The following RPSA2 variants were observed in gnomAD, a reference collection of about 807,000 sequenced individuals.
The protein encoded by RPSA2 is small ribosomal subunit protein uS2B.
At chr19:23,843,777 G>T in the RPSA2 span, among the ~76,000 whole-genome samples, 2 of 150,958 alleles carry the variant, frequency 1.3e-5, no homozygotes, top group Non-Finnish European at 3.0e-5. Context: ...TCTTTTTTTT[G>T]AGATGAAGTT....
At chr19:23,859,961 G>A in the RPSA2 span, among the ~76,000 whole-genome samples, 5 of 152,160 alleles carry the variant, frequency 3.3e-5, no homozygotes, top group Non-Finnish European at 7.3e-5. Flanking sequence ...CCATGTTTAC[G>A]AAGGCAGCCC....
At chr19:23,816,132 C>G in the RPSA2 span, among the ~76,000 whole-genome samples, 13 of 151,216 alleles carry the variant, frequency 8.6e-5, no homozygotes, top group Admixed American at 8.6e-4. Context: ...CATTTATTTA[C>G]TTGTTTATTC....
chr19:23,807,873 G>T, the RPSA2 span: 1 of 426,732 alleles, frequency 2.3e-6, no homozygotes. Flanking sequence ...CTCTGGAGGA[G>T]TAGCAGTGCC....
chr19:23,865,562 T>C, the RPSA2 span, among the ~76,000 whole-genome samples: 6 of 152,108 alleles, frequency 3.9e-5, no homozygotes, highest in Non-Finnish European at 8.8e-5. Context: ...ATTAAAAAAC[T>C]CATTTGTTCC....
At chr19:23,858,334 A>G in the RPSA2 span, among the ~76,000 whole-genome samples, 1 of 152,024 alleles carries the variant, frequency 6.6e-6, no homozygotes, top group African/African-American at 2.4e-5. Context: ...ATACCCTAAA[A>G]GCCCTGACTT....
chr19:23,838,761 A>ATTT, the RPSA2 span, among the ~76,000 whole-genome samples: 29 of 152,044 alleles, frequency 1.9e-4, no homozygotes, highest in South Asian at 4.1e-4. Flanking sequence ...GCCTTGAATG[A>ATTT]TTTTTTGTAT....
the RPSA2 span, among the ~76,000 whole-genome samples, chr19:23,826,116 G>A: frequency 0.98 from 147,918 of 151,234 alleles, 72,430 homozygotes; most frequent in Middle Eastern, 1. Context: ...CATATTGCTA[G>A]AATGTTTTTA....
the RPSA2 span, among the ~76,000 whole-genome samples, chr19:23,794,163 CT>C: frequency 5.3e-5 from 8 of 152,122 alleles, no homozygotes; most frequent in African/African-American, 1.9e-4. Context: ...AGTGAACACG[CT>C]TGTGCATGCA....
At chr19:23,831,283 G>A in the RPSA2 span, among the ~76,000 whole-genome samples, 1 of 152,130 alleles carries the variant, frequency 6.6e-6, no homozygotes, top group Admixed American at 6.5e-5. Context: ...CCAAGAGTTA[G>A]GAATTTACTT....
the RPSA2 span, among the ~76,000 whole-genome samples, chr19:23,780,221 A>C: frequency 6.6e-6 from 1 of 152,186 alleles, no homozygotes; most frequent in Non-Finnish European, 1.5e-5. Context: ...ATGTCATCAT[A>C]GGACCCAGCA....
At chr19:23,863,921 C>T in the RPSA2 span, among the ~76,000 whole-genome samples, 1 of 152,160 alleles carries the variant, frequency 6.6e-6, no homozygotes, top group Non-Finnish European at 1.5e-5. Context: ...AACAGAGGCA[C>T]AAAGCAAGCT....
chr19:23,835,081 TAA>T, the RPSA2 span, among the ~76,000 whole-genome samples: 2 of 152,146 alleles, frequency 1.3e-5, no homozygotes, highest in East Asian at 3.8e-4. Flanking sequence ...TTCTACAGTT[TAA>T]GTTATTTTTA....
the RPSA2 span, among the ~76,000 whole-genome samples, chr19:23,760,903 G>T: frequency 6.6e-6 from 1 of 151,316 alleles, no homozygotes; most frequent in Non-Finnish European, 1.5e-5. Context: ...GACCTCAGGT[G>T]ATCTGCCCAC....
At chr19:23,849,524 C>A in the RPSA2 span, among the ~76,000 whole-genome samples, 4 of 152,148 alleles carry the variant, frequency 2.6e-5, no homozygotes, top group Non-Finnish European at 2.9e-5. Flanking sequence ...CCGGACATGG[C>A]AATAGCCAAT....
At chr19:23,819,890 T>A in the RPSA2 span, among the ~76,000 whole-genome samples, 1 of 152,182 alleles carries the variant, frequency 6.6e-6, no homozygotes, top group East Asian at 1.9e-4. Flanking sequence ...AACTTCCACT[T>A]TATTTTCAAT....
At chr19:23,783,539 CAAAAAAA>C in the RPSA2 span, among the ~76,000 whole-genome samples, 1 of 131,042 alleles carries the variant, frequency 7.6e-6, no homozygotes, top group South Asian at 2.5e-4. Flanking sequence ...TGAGCACTGC[CAAAAAAA>C]AAAAAAAAAA....
the RPSA2 span, among the ~76,000 whole-genome samples, chr19:23,765,976 T>C: frequency 3.3e-4 from 2 of 5,978 alleles, no homozygotes; most frequent in Non-Finnish European, 0.01. Context: ...TACTTGTACA[T>C]AAAAAGACAT....
chr19:23,866,400 G>T, the RPSA2 span, among the ~76,000 whole-genome samples: 355 of 152,272 alleles, frequency 2.3e-3, 2 homozygotes, highest in Non-Finnish European at 4.3e-3. Flanking sequence ...AATCTAAAAG[G>T]AGCCAAGGAT....
At chr19:23,827,699 C>T in the RPSA2 span, 34 of 1,592,616 alleles carry the variant, frequency 2.1e-5, no homozygotes, top group South Asian at 7.7e-5. Flanking sequence ...GATGCTGGCT[C>T]GGGAAGTTCT....
Sources: allele counts gnomAD v4.1 joint callset (sites outside exome capture counted in the v4.1 genomes callset), GRCh38; gene constraint gnomAD v4.1.1; transcripts MANE v1.5; gene names NCBI Gene and HGNC (gene_info 2026-07-23, HGNC 2026-07-21).